The following MAF variants were observed in gnomAD, a reference collection of about 807,000 sequenced individuals.
MAF encodes the protein transcription factor Maf.
Under a neutral mutation model 22.0 loss-of-function variants are expected in MAF, and 10 were observed. That is an observed-to-expected ratio of 0.45 (90% CI 0.28 to 0.77). MAF has a LOEUF of 0.77. Among genes scored for constraint, MAF ranks in the 30% least tolerant of loss-of-function variants. The pLI, the probability that MAF is intolerant of heterozygous loss-of-function variation, is 0.12. For synonymous variants in MAF, 337 were observed against 255.8 expected (o/e 1.32, Z -3.03); for missense variants, 544 against 548.4 (o/e 0.99, Z 0.08).
At chr16:79,566,050 G>A in the MAF span, among the ~76,000 whole-genome samples, 4 of 152,232 alleles carry the variant, frequency 2.6e-5, no homozygotes, top group African/African-American at 9.6e-5. Flanking sequence ...CTTAGGTCTA[G>A]GTTTGTGTAT....
At chr16:79,296,926 C>A in the MAF span, among the ~76,000 whole-genome samples, 1 of 152,282 alleles carries the variant, frequency 6.6e-6, no homozygotes, top group East Asian at 1.9e-4. Context: ...TGTGCGGGCA[C>A]AAAACTTTGC....
chr16:79,478,956 A>T, the MAF span, among the ~76,000 whole-genome samples: 6 of 152,202 alleles, frequency 3.9e-5, no homozygotes, highest in South Asian at 4.1e-4. Flanking sequence ...CCTGTACACC[A>T]TCTTAATGCA....
chr16:79,499,260 G>A, the MAF span, among the ~76,000 whole-genome samples: 1 of 152,246 alleles, frequency 6.6e-6, no homozygotes, highest in Middle Eastern at 3.4e-3. Flanking sequence ...AGGTCAAGTT[G>A]GATCTGTTCC....
the MAF span, among the ~76,000 whole-genome samples, chr16:79,481,484 C>G: frequency 5.9e-5 from 9 of 152,220 alleles, no homozygotes; most frequent in South Asian, 6.2e-4. Flanking sequence ...GCCTACACCC[C>G]CTAGACGTTA....
At chr16:79,320,705 C>A in the MAF span, among the ~76,000 whole-genome samples, 1 of 152,156 alleles carries the variant, frequency 6.6e-6, no homozygotes, top group South Asian at 2.1e-4. Flanking sequence ...TAACACTTAT[C>A]CCATAGAGCT....
the MAF span, among the ~76,000 whole-genome samples, chr16:79,471,597 A>G: frequency 6.6e-6 from 1 of 152,228 alleles, no homozygotes; most frequent in African/African-American, 2.4e-5. Flanking sequence ...GGATGGCTCC[A>G]GCCCTGGAAG....
the MAF span, among the ~76,000 whole-genome samples, chr16:79,369,374 C>T: frequency 3.3e-5 from 5 of 152,166 alleles, 1 homozygote. Context: ...CCTGTCTCAT[C>T]CCAAAGCCCA....
the MAF span, among the ~76,000 whole-genome samples, chr16:79,271,929 C>T: frequency 2.6e-5 from 4 of 152,220 alleles, no homozygotes; most frequent in Non-Finnish European, 5.9e-5. Context: ...CAGACTCCAA[C>T]AGCAAAACGG....
the MAF span, among the ~76,000 whole-genome samples, chr16:79,398,981 G>C: frequency 6.6e-6 from 1 of 152,146 alleles, no homozygotes; most frequent in Non-Finnish European, 1.5e-5. Flanking sequence ...CTGGACTGTG[G>C]GTTCCAAAGG....
At chr16:79,219,467 C>G in the MAF span, among the ~76,000 whole-genome samples, 1 of 141,248 alleles carries the variant, frequency 7.1e-6, no homozygotes, top group Non-Finnish European at 1.5e-5. Flanking sequence ...AGGAGAATGG[C>G]GTGAACCCGG....
At chr16:79,229,794 G>A in the MAF span, among the ~76,000 whole-genome samples, 2 of 152,024 alleles carry the variant, frequency 1.3e-5, no homozygotes, top group Admixed American at 1.3e-4. Context: ...TGAAAGATGC[G>A]GAGTTTAATC....
chr16:79,385,882 G>GTTTTT, the MAF span, among the ~76,000 whole-genome samples: 18 of 152,084 alleles, frequency 1.2e-4, no homozygotes, highest in Admixed American at 4.6e-4. Context: ...ACTCCCACCT[G>GTTTTT]GGCTAAAGAG....
the MAF span, among the ~76,000 whole-genome samples, chr16:79,332,874 C>T: frequency 6.6e-6 from 1 of 152,184 alleles, no homozygotes; most frequent in African/African-American, 2.4e-5. Context: ...AAGTAGTTTG[C>T]CCAAGGTCAC....
At chr16:79,565,127 A>C in the MAF span, among the ~76,000 whole-genome samples, 1 of 152,184 alleles carries the variant, frequency 6.6e-6, no homozygotes, top group Non-Finnish European at 1.5e-5. Context: ...TGTTCACACC[A>C]TTCAGAGCCA....
the MAF span, among the ~76,000 whole-genome samples, chr16:79,296,238 C>G: frequency 2.6e-5 from 4 of 152,162 alleles, no homozygotes; most frequent in Admixed American, 1.3e-4. Flanking sequence ...TGTTCAGGAA[C>G]AGTCTAAGAA....
the MAF span, among the ~76,000 whole-genome samples, chr16:79,308,311 G>A: frequency 1.6e-4 from 25 of 152,198 alleles, no homozygotes; most frequent in African/African-American, 5.5e-4. Context: ...AGACTTTTAA[G>A]AAGATAAGGT....
chr16:79,547,830 T>C, the MAF span, among the ~76,000 whole-genome samples: 1 of 152,146 alleles, frequency 6.6e-6, no homozygotes, highest in Non-Finnish European at 1.5e-5. Context: ...GTCTCCTCTG[T>C]AGCAAACTCA....
chr16:79,226,383 TGG>T, the MAF span, among the ~76,000 whole-genome samples: 1 of 150,122 alleles, frequency 6.7e-6, no homozygotes. Flanking sequence ...TGTCAGGGGG[TGG>T]GGTGTTAGGG....
chr16:79,354,335 G>C, the MAF span, among the ~76,000 whole-genome samples: 2 of 152,122 alleles, frequency 1.3e-5, no homozygotes, highest in African/African-American at 4.8e-5. Flanking sequence ...GATGCAACAG[G>C]AGAGGAACAC....
Sources: allele counts gnomAD v4.1 joint callset (sites outside exome capture counted in the v4.1 genomes callset), GRCh38; gene constraint gnomAD v4.1.1; transcripts MANE v1.5; gene names NCBI Gene and HGNC (gene_info 2026-07-23, HGNC 2026-07-21).